The following FRMD5 variants were observed in gnomAD, a reference collection of about 807,000 sequenced individuals.
FRMD5 encodes the protein FERM domain-containing protein 5.
Under a neutral mutation model 69.0 loss-of-function variants are expected in FRMD5, and 20 were observed. The observed-to-expected ratio is 0.29, with a 90% confidence interval of 0.20 to 0.42. FRMD5 has a LOEUF of 0.42. FRMD5 is among the 10% of genes least tolerant of loss of function. The pLI is 1.00. For missense variants in FRMD5, 595 were observed against 708.6 expected (o/e 0.84, Z 1.82); for synonymous variants, 271 against 260.1 (o/e 1.04, Z -0.40).
intron 1 of FRMD5, among the ~76,000 whole-genome samples, chr15:44,100,807 A>G (rs1364065219): frequency 6.6e-6 from 1 of 152,196 alleles, no homozygotes; most frequent in Non-Finnish European, 1.5e-5. Flanking sequence ...CTTTTTATTC[A>G]TTAGACTAAA....
At position 43,873,333 on chromosome 15, in the gene FRMD5, G is replaced by T; in HGVS notation, c.*552C>A. The T allele has an allele frequency of 6.7e-7, 1 of 1,489,340 alleles. No individual in the cohort carries two copies. 92.3% of individuals were successfully genotyped at this position (1,489,340 alleles called of 1,614,324 possible). The stretch of plus-strand genomic sequence containing the variant: ...GGATGTTTACTTTTTTAAAAGTTCT[G>T]GCTGGCAAAAAAAACAAACAAAAAA... On this transcript the variant is annotated 3_prime_UTR_variant, in exon 14 of 14. Transcript: ENST00000417257.
At position 43,871,893 on chromosome 15, in the gene FRMD5, T is replaced by C. The variant is rs973636022; in HGVS notation, c.*1992A>G. ...CCACTGGGAAGAGGTCCCAGATCTT[T>C]GATACATGTCAGGCATGGAAACAGA... On this transcript the variant is annotated 3_prime_UTR_variant, in exon 14 of 14. Transcript: ENST00000417257. 6.6e-6 allele frequency: 1 copy of C among 152,202 alleles called. No individual in the cohort carries two copies. The highest frequency in any genetic ancestry group is 1.5e-5 in the Non-Finnish European group (1 of 68,032). The allele number at this position is 152,202 out of a possible 1,614,324, so 9.4% of individuals were successfully genotyped here. A position where few individuals can be genotyped will look rare whatever the true frequency, so the allele number is the denominator to read the frequency against.
At chr15:43,877,731 A>G (rs1216874222) in intron 13 of FRMD5, among the ~76,000 whole-genome samples, 2 of 152,220 alleles carry the variant, frequency 1.3e-5, no homozygotes, top group East Asian at 1.9e-4. Flanking sequence ...TTAAATTTGT[A>G]TAATGCTTTC....
intron 1 of FRMD5, among the ~76,000 whole-genome samples, chr15:44,050,918 A>G (rs1892635777): frequency 6.6e-6 from 1 of 151,734 alleles, no homozygotes; most frequent in Admixed American, 6.6e-5. Flanking sequence ...TCAGCCTCCC[A>G]AAGTGCTGAG....
intron 1 of FRMD5, among the ~76,000 whole-genome samples, chr15:44,111,538 G>A (rs1465502676): frequency 2.6e-5 from 4 of 152,182 alleles, no homozygotes; most frequent in Admixed American, 2.0e-4. Flanking sequence ...GGCTCACTGC[G>A]TATGCATTCC....
In FRMD5 at chr15:44,019,737, C is replaced by CAAAAA. The variant is rs1189890743; in HGVS notation, c.103-95433_103-95429dup. Among the ~76,000 whole-genome samples the CAAAAA allele has an allele frequency of 1.7e-3, 40 of 23,510 alleles. 2 individuals carry two copies. The highest frequency in any genetic ancestry group is 5.9e-3 in the African/African-American group (37 of 6,322). 15.4% of individuals were successfully genotyped at this position (23,510 alleles called of 152,430 possible). On this transcript the variant is annotated intron_variant, in intron 1 of 13. Transcript: ENST00000417257. ...GGGCAATGAGAGCAAGAGTCTGTCTCAAAAAAAAAAAAAAAAAAAAAAAAG... is the reference window on the plus strand; with the variant it reads ...GGGCAATGAGAGCAAGAGTCTGTCTCAAAAAAAAAAAAAAAAAAAAAAAAAAAAAG...
intron 1 of FRMD5, among the ~76,000 whole-genome samples, chr15:43,979,011 A>G (rs1038535651): frequency 1.3e-5 from 2 of 152,122 alleles, no homozygotes; most frequent in Non-Finnish European, 2.9e-5. Context: ...GGACAACACT[A>G]TTTTTGGCAA....
intron 1 of FRMD5, among the ~76,000 whole-genome samples, chr15:44,148,383 T>C (rs368403510): frequency 1.3e-5 from 2 of 152,006 alleles, no homozygotes; most frequent in Non-Finnish European, 2.9e-5. Flanking sequence ...GCCATTCTCC[T>C]GCCTCAGCCT....
chr15:44,009,499 G>C (rs1384033176), intron 1 of FRMD5, among the ~76,000 whole-genome samples: 1 of 152,176 alleles, frequency 6.6e-6, no homozygotes. Context: ...GGGCAACATG[G>C]AGAGACTCTG....
At chr15:44,042,047 C>T (rs558445927) in intron 1 of FRMD5, among the ~76,000 whole-genome samples, 186 of 151,678 alleles carry the variant, frequency 1.2e-3, no homozygotes, top group African/African-American at 3.9e-3. Flanking sequence ...AGACTAATAA[C>T]GAAGAAAAGA....
chr15:44,066,524 G>A (rs1056873565), intron 1 of FRMD5, among the ~76,000 whole-genome samples: 2 of 152,152 alleles, frequency 1.3e-5, no homozygotes, highest in Admixed American at 6.6e-5. Context: ...TGGGGAAAAG[G>A]CATTACGCAG....
chr15:43,893,415 G>C (rs1013749367), intron 7 of FRMD5, among the ~76,000 whole-genome samples: 1 of 152,184 alleles, frequency 6.6e-6, no homozygotes, highest in Admixed American at 6.5e-5. Context: ...CGGAGCAGAA[G>C]CTGTAGGTCT....
chr15:44,128,005 ATTAT>A (rs2077046551), intron 1 of FRMD5, among the ~76,000 whole-genome samples: 1 of 152,228 alleles, frequency 6.6e-6, no homozygotes, highest in South Asian at 2.1e-4. Flanking sequence ...TCCATTTTTA[ATTAT>A]TTAACTTATT....
At chr15:44,076,216 A>G (rs545918948) in intron 1 of FRMD5, among the ~76,000 whole-genome samples, 1,807 of 151,836 alleles carry the variant, frequency 0.012, 46 homozygotes, top group African/African-American at 0.041. Flanking sequence ...TCAGTGTGGC[A>G]ATTCCTCAGG....
Position 44,032,782 on chromosome 15 carries a change from A to C in FRMD5, c.103-108473T>G, listed in dbSNP as rs572418451. Among the ~76,000 whole-genome samples, 6 of 152,330 alleles carry C rather than the reference A, an allele frequency of 3.9e-5. No homozygotes were observed. The South Asian group carries it at 1.0e-3, about 26-fold the overall frequency. On this transcript the variant is annotated intron_variant, in intron 1 of 13. Transcript: ENST00000417257. Reference sequence around the variant, plus strand: ...GTGTAAATTAGTTCAACCATTGTGGAAAGCAGTATGGCAATTCCTCGCTAC... The same window carrying C: ...GTGTAAATTAGTTCAACCATTGTGGCAAGCAGTATGGCAATTCCTCGCTAC...
At chr15:44,176,206 T>C (rs1432062253) in intron 1 of FRMD5, among the ~76,000 whole-genome samples, 2 of 152,184 alleles carry the variant, frequency 1.3e-5, no homozygotes, top group African/African-American at 4.8e-5. Flanking sequence ...GAATATAATT[T>C]AGAGTCCAGA....
intron 1 of FRMD5, among the ~76,000 whole-genome samples, chr15:44,112,104 A>C (rs2076805264): frequency 6.6e-6 from 1 of 152,094 alleles, no homozygotes; most frequent in Non-Finnish European, 1.5e-5. Context: ...CGGCCTCCCA[A>C]AGTGCTGATA....
intron 1 of FRMD5, among the ~76,000 whole-genome samples, chr15:43,926,121 G>T (rs1021897931): frequency 2.0e-5 from 3 of 152,166 alleles, no homozygotes; most frequent in African/African-American, 7.2e-5. Flanking sequence ...AAGGGAAAAG[G>T]TTTGCTAAAA....
At chr15:43,882,175 G>C (rs1022484955) in intron 13 of FRMD5, among the ~76,000 whole-genome samples, 1 of 152,186 alleles carries the variant, frequency 6.6e-6, no homozygotes, top group Admixed American at 6.5e-5. Context: ...CCTCCTAACA[G>C]CATTAACTAC....
Sources: gnomAD v4.1 joint callset for allele counts (sites outside exome capture counted in the v4.1 genomes callset) on GRCh38, gnomAD v4.1.1 for gene constraint, MANE v1.5 for transcripts, NCBI Gene and HGNC (gene_info 2026-07-23, HGNC 2026-07-21) for gene names.